PIK3CB: variants seen among roughly 807,000 people sequenced by gnomAD.
The protein encoded by PIK3CB is phosphatidylinositol 4,5-bisphosphate 3-kinase catalytic subunit beta isoform.
Under a neutral mutation model 136.8 loss-of-function variants are expected in PIK3CB, and 39 were observed. The observed-to-expected ratio is 0.29, with a 90% CI of 0.22 to 0.37. The LOEUF is 0.37. Among genes scored for constraint, PIK3CB ranks in the 10% least tolerant of loss-of-function variants. The pLI is 1.00. For missense variants in PIK3CB, 868 were observed against 1,275.4 expected, an observed-to-expected ratio of 0.68 and a Z score of 4.87; for synonymous variants, 428 against 436.6, an observed-to-expected ratio of 0.98 and a Z score of 0.25.
At chr3:138,726,643 A>G (rs917834787) in intron 8 of PIK3CB, among the ~76,000 whole-genome samples, 2 of 152,222 alleles carry the variant, frequency 1.3e-5, no homozygotes, top group African/African-American at 4.8e-5. Context: ...CTTTCCCACT[A>G]GAGCTATAAA....
At chr3:138,749,975 C>T (rs1471472208) in intron 4 of PIK3CB, among the ~76,000 whole-genome samples, 2 of 152,052 alleles carry the variant, frequency 1.3e-5, no homozygotes, top group African/African-American at 2.4e-5. Context: ...TGGGCTCAAG[C>T]CAAGTGATCC....
chr3:138,697,955 AC>A (rs2044173257), intron 13 of PIK3CB, among the ~76,000 whole-genome samples: 1 of 151,098 alleles, frequency 6.6e-6, no homozygotes, highest in African/African-American at 2.4e-5. Flanking sequence ...CTGGTCTGGA[AC>A]TCCTGAGCTC....
intron 1 of PIK3CB, among the ~76,000 whole-genome samples, chr3:138,805,399 G>A (rs1348662502): frequency 2.6e-5 from 4 of 151,574 alleles, no homozygotes; most frequent in Admixed American, 6.6e-5. Flanking sequence ...GGTCGGGCAC[G>A]GTGGCTCACG....
intron 5 of PIK3CB, among the ~76,000 whole-genome samples, chr3:138,739,912 A>T (rs929238245): frequency 7.6e-5 from 11 of 145,118 alleles, no homozygotes; most frequent in Admixed American, 4.8e-4. Context: ...AAAATAAAAA[A>T]AAAAAAAATA....
chr3:138,788,941 G>A (rs1486863618), intron 2 of PIK3CB, among the ~76,000 whole-genome samples: 6 of 135,290 alleles, frequency 4.4e-5, no homozygotes, highest in African/African-American at 1.8e-4. Context: ...TCCAGACTGG[G>A]GGAAAAGAGA....
At chr3:138,725,421 T>G (rs1338018555) in intron 8 of PIK3CB, among the ~76,000 whole-genome samples, 6 of 152,170 alleles carry the variant, frequency 3.9e-5, no homozygotes, top group Admixed American at 3.9e-4. Flanking sequence ...CCTTAAGTAG[T>G]CTTCCTGAAC....
intron 1 of PIK3CB, chr3:138,825,169 T>C (rs1296262242): frequency 6.9e-6 from 2 of 290,894 alleles, no homozygotes; most frequent in Admixed American, 7.4e-5. Flanking sequence ...ACCATTGGTA[T>C]CTCCCTATGA....
chr3:138,657,358 T>A (rs1477209538), intron 22 of PIK3CB: 2 of 194,244 alleles, frequency 1.0e-5, no homozygotes, highest in East Asian at 2.8e-4. Context: ...GTTCCCTTAC[T>A]GTACTCCATA....
intron 23 of PIK3CB, 54 bp from the exon 24 acceptor site, chr3:138,655,580 A>C: frequency 7.1e-7 from 1 of 1,418,018 alleles, no homozygotes; most frequent in South Asian, 1.2e-5. Context: ...GAGATGTGCA[A>C]ATATCAAAGT....
At chr3:138,712,853 C>T (rs752123633) in intron 9 of PIK3CB, among the ~76,000 whole-genome samples, 8 of 152,064 alleles carry the variant, frequency 5.3e-5, no homozygotes, top group Non-Finnish European at 1.2e-4. Flanking sequence ...AGGTGTGAGC[C>T]ATCACGCCCA....
At chr3:138,732,669 C>G (rs16848346) in intron 8 of PIK3CB, among the ~76,000 whole-genome samples, 4,493 of 149,076 alleles carry the variant, frequency 0.03, 225 homozygotes, top group African/African-American at 0.11. Context: ...CTATTTTCTT[C>G]CAGGAAATGG....
chr3:138,833,316 C>A (rs967173048), intron 1 of PIK3CB, among the ~76,000 whole-genome samples: 1 of 152,048 alleles, frequency 6.6e-6, no homozygotes, highest in Non-Finnish European at 1.5e-5. Context: ...ATCCGCCCGC[C>A]TCGGCCTCCC....
chr3:138,781,449 T>C (rs1300901318), intron 2 of PIK3CB, among the ~76,000 whole-genome samples: 1 of 150,614 alleles, frequency 6.6e-6, no homozygotes, highest in African/African-American at 2.5e-5. Context: ...CCCCCATCTC[T>C]ACAGAAATTT....
chr3:138,687,795 T>C (rs2043925048), intron 16 of PIK3CB, among the ~76,000 whole-genome samples: 1 of 152,120 alleles, frequency 6.6e-6, no homozygotes, highest in Non-Finnish European at 1.5e-5. Context: ...CTTCTGTGTA[T>C]AGAATGTTGG....
At position 138,826,169 on chromosome 3, in the gene PIK3CB, G is replaced by A. The variant is rs142087718; in HGVS notation, c.-122+8526C>T. ...TAGTTGATATGGTTCCTGACAAGCC[G>A]ATGTATGTTGAGAGCTTCTAGGACT... is the stretch of plus-strand genomic sequence containing the variant. On this transcript the variant is annotated intron_variant, in intron 1 of 23. Coordinates refer to ENST00000674063, the MANE Select transcript of PIK3CB (RefSeq NM_006219.3). 9.3e-4 allele frequency: 1,026 copies of A among 1,102,208 alleles called. 7 individuals carry two copies. The African/African-American group carries it at 0.013, about 14-fold the overall frequency. 68.3% of individuals were successfully genotyped at this position (1,102,208 alleles called of 1,614,324 possible).
At chr3:138,658,780 T>A (rs191175615) in intron 21 of PIK3CB, among the ~76,000 whole-genome samples, 1 of 152,170 alleles carries the variant, frequency 6.6e-6, no homozygotes, top group Admixed American at 6.5e-5. Context: ...TACGCATGTA[T>A]TCATTCATTC....
intron 3 of PIK3CB, among the ~76,000 whole-genome samples, chr3:138,758,562 CCA>C (rs1275115201): frequency 6.6e-6 from 1 of 152,114 alleles, no homozygotes; most frequent in Non-Finnish European, 1.5e-5. Context: ...TTTTAGAATT[CCA>C]GTTTCTCTAA....
chr3:138,742,567 T>C lies in PIK3CB; in HGVS notation c.612A>G (p.Glu204=), dbSNP rs1472675253. 6.6e-7 allele frequency: 1 copy of C among 1,515,260 alleles called. No homozygotes were observed. The allele number at this position is 1,515,260 out of a possible 1,614,324, so 93.9% of individuals were successfully genotyped here. Residue 204 remains glutamate, a synonymous_variant, in exon 5 of 24, where the codon GAA becomes GAG. Coordinates refer to ENST00000674063, the MANE Select transcript of PIK3CB (RefSeq NM_006219.3). The stretch of plus-strand genomic sequence containing the variant: ...AAAAATATAATCCTACCTGGCAGTT[T>C]TCAAAATGAACAGCTACGATGAGCT... The part of the protein sequence containing the change: ...GGKLIVAVHF[E]NCQDVFSFQV...
At chr3:138,806,858 T>C (rs908940969) in intron 1 of PIK3CB, among the ~76,000 whole-genome samples, 3 of 152,200 alleles carry the variant, frequency 2.0e-5, no homozygotes, top group African/African-American at 4.8e-5. Flanking sequence ...AACTGGAATA[T>C]TGCAGATTCT....
Sources: gnomAD v4.1 joint callset for allele counts (sites outside exome capture counted in the v4.1 genomes callset) on GRCh38, gnomAD v4.1.1 for gene constraint, MANE v1.5 for transcripts, NCBI Gene and HGNC (gene_info 2026-07-23, HGNC 2026-07-21) for gene names.